Variants in ADAMTSL1 observed in about 807,000 individuals in gnomAD.
The protein encoded by ADAMTSL1 is ADAMTS-like protein 1.
A neutral mutation model predicts 201.8 loss-of-function variants in ADAMTSL1; 126 were observed. The observed-to-expected ratio is 0.62, with a 90% CI of 0.54 to 0.72. The LOEUF is 0.72. Ranked by LOEUF, ADAMTSL1 falls within the 30% of genes least tolerant of loss-of-function variation. The pLI is 0.00. For synonymous variants in ADAMTSL1, 1,121 were observed against 903.4 expected (o/e 1.24, Z -4.32); for missense variants, 2,679 against 2,277.8 (o/e 1.18, Z -3.59).
intron 2 of ADAMTSL1, among the ~76,000 whole-genome samples, chr9:18,314,782 C>CTTTT (rs776046209): frequency 0.034 from 1,674 of 49,736 alleles, 534 homozygotes; most frequent in East Asian, 0.056. Context: ...CGGCAGCGTG[C>CTTTT]TTTTTTTTTT....
At chr9:18,650,569 T>C (rs1828175825) in intron 7 of ADAMTSL1, among the ~76,000 whole-genome samples, 1 of 152,158 alleles carries the variant, frequency 6.6e-6, no homozygotes, top group African/African-American at 2.4e-5. Context: ...ATTGCCAAAA[T>C]ATCATTTTTG....
chr9:18,206,880 T>C (rs2132297943), intron 2 of ADAMTSL1, among the ~76,000 whole-genome samples: 1 of 151,876 alleles, frequency 6.6e-6, no homozygotes, highest in East Asian at 1.9e-4. Context: ...GAAAGTGGAG[T>C]GGGCTTGGCA....
intron 3 of ADAMTSL1, among the ~76,000 whole-genome samples, chr9:18,556,444 T>G (rs1821115003): frequency 6.6e-6 from 1 of 152,014 alleles, no homozygotes; most frequent in Admixed American, 6.6e-5. Flanking sequence ...CTTTAATCAG[T>G]CTTTCCCCTT....
At chr9:18,128,787 A>C (rs532296980) in intron 1 of ADAMTSL1, among the ~76,000 whole-genome samples, 1 of 152,286 alleles carries the variant, frequency 6.6e-6, no homozygotes, top group South Asian at 2.1e-4. Context: ...TAAATAAGTA[A>C]GAAAGTAGGT....
At chr9:18,567,420 C>T (rs1462033350) in intron 3 of ADAMTSL1, among the ~76,000 whole-genome samples, 3 of 152,114 alleles carry the variant, frequency 2.0e-5, no homozygotes, top group Non-Finnish European at 4.4e-5. Context: ...GAGCCGAGAT[C>T]ATGCCACTGC....
intron 26 of ADAMTSL1, among the ~76,000 whole-genome samples, chr9:18,898,991 G>T (rs1326044527): frequency 1.3e-5 from 2 of 152,126 alleles, no homozygotes; most frequent in Non-Finnish European, 2.9e-5. Context: ...TATTCAAATA[G>T]AGAGGAAGTC....
At chr9:18,838,179 G>A (rs981845592) in intron 23 of ADAMTSL1, among the ~76,000 whole-genome samples, 1 of 152,002 alleles carries the variant, frequency 6.6e-6, no homozygotes, top group Non-Finnish European at 1.5e-5. Context: ...CTTATGCAGG[G>A]AAAACTCTCA....
chr9:18,364,981 G>A (rs115236497), intron 2 of ADAMTSL1, among the ~76,000 whole-genome samples: 3,157 of 152,102 alleles, frequency 0.021, 71 homozygotes, highest in African/African-American at 0.059. Flanking sequence ...CTCCAACACC[G>A]GGGATTACAA....
At chr9:18,050,163 A>G (rs1261874911) in intron 1 of ADAMTSL1, among the ~76,000 whole-genome samples, 1 of 152,246 alleles carries the variant, frequency 6.6e-6, no homozygotes, top group Admixed American at 6.5e-5. Context: ...AAGTCTCATT[A>G]TATAGAAGAC....
chr9:18,449,777 T>G (rs1456295889), intron 2 of ADAMTSL1, among the ~76,000 whole-genome samples: 1 of 152,158 alleles, frequency 6.6e-6, no homozygotes, highest in East Asian at 1.9e-4. Flanking sequence ...CATGAAAAGC[T>G]TTTTCAACGT....
Position 18,681,883 on chromosome 9 carries a change from A to G in ADAMTSL1, c.1413A>G (p.Thr471=), listed in dbSNP as rs1169865695. Residue 471 remains threonine (T), a synonymous_variant, in exon 12 of 29, where the codon ACA becomes ACG. Coordinates refer to ENST00000380548, the MANE Select transcript of ADAMTSL1 (RefSeq NM_001040272.6). ...GCATCGACCATCGAGGAATGCACAC[A>G]GGAGGCTGTAGCCCAAAAACAAAGC... ...VLCIDHRGMH[T]GGCSPKTKPH... 1 of 1,614,164 alleles carries G rather than the reference A, an allele frequency of 6.2e-7. No homozygotes were observed. The highest frequency in any genetic ancestry group is 1.1e-5 in the South Asian group (1 of 91,082).
rs202085722 is a variant in ADAMTSL1, at chr9:17,983,064, C to CTTTTTTTT, written c.87+76145_87+76146insTTTTTTTT. Among the ~76,000 whole-genome samples, 101 of 88,538 alleles carry CTTTTTTTT rather than the reference C, an allele frequency of 1.1e-3. 8 individuals are homozygous for CTTTTTTTT. The highest frequency in any genetic ancestry group is 1.5e-3 in the African/African-American group (35 of 23,226). 58.1% of individuals were successfully genotyped at this position (88,538 alleles called of 152,430 possible). On this transcript the variant is annotated intron_variant, in intron 1 of 29. Coordinates refer to the ADAMTSL1 transcript ENST00000680146. The stretch of plus-strand genomic sequence containing the variant: ...TTTTCATTTTCTTTTTCTTTTCTTT[C>CTTTTTTTT]TTTCTTTCTTTCTTTTTTTTTTTTG...
intron 2 of ADAMTSL1, among the ~76,000 whole-genome samples, chr9:18,193,381 G>C (rs1829048244): frequency 6.6e-6 from 1 of 152,108 alleles, no homozygotes; most frequent in South Asian, 2.1e-4. Context: ...TGCAGGGGAA[G>C]AGGAGGAATC....
At chr9:18,753,875 T>G (rs1409913477) in intron 16 of ADAMTSL1, among the ~76,000 whole-genome samples, 4 of 152,258 alleles carry the variant, frequency 2.6e-5, no homozygotes, top group African/African-American at 7.2e-5. Flanking sequence ...CTAGTTTTTT[T>G]GCTGTTTAAA....
At chr9:18,343,825 C>T (rs575566783) in intron 2 of ADAMTSL1, among the ~76,000 whole-genome samples, 1 of 152,036 alleles carries the variant, frequency 6.6e-6, no homozygotes, top group Non-Finnish European at 1.5e-5. Flanking sequence ...TTTATTGAAT[C>T]CTTGATTCTA....
chr9:18,712,008 G>A (rs1249759257), intron 14 of ADAMTSL1, among the ~76,000 whole-genome samples: 7 of 152,124 alleles, frequency 4.6e-5, no homozygotes, highest in Non-Finnish European at 7.4e-5. Context: ...ACACGGCCGG[G>A]TACTCCAACA....
At chr9:18,064,494 C>T (rs1399304212) in intron 1 of ADAMTSL1, among the ~76,000 whole-genome samples, 5 of 152,148 alleles carry the variant, frequency 3.3e-5, no homozygotes, top group Admixed American at 1.3e-4. Flanking sequence ...AGTGAAAGTC[C>T]TGTTACCTCC....
At chr9:18,490,359 A>C (rs1006450420) in intron 1 of ADAMTSL1, among the ~76,000 whole-genome samples, 2 of 152,166 alleles carry the variant, frequency 1.3e-5, no homozygotes, top group Middle Eastern at 3.4e-3. Context: ...GAAGGGGATG[A>C]GGAGGAAGAC....
chr9:18,189,460 A>G (rs1242737231), intron 2 of ADAMTSL1, among the ~76,000 whole-genome samples: 2 of 152,194 alleles, frequency 1.3e-5, no homozygotes, highest in African/African-American at 2.4e-5. Context: ...GCAAGCAAAT[A>G]CAAATTCTTA....
Sources: gnomAD v4.1 joint callset for allele counts (sites outside exome capture counted in the v4.1 genomes callset) on GRCh38, gnomAD v4.1.1 for gene constraint, MANE v1.5 for transcripts, NCBI Gene and HGNC (gene_info 2026-07-23, HGNC 2026-07-21) for gene names.